WDR27: variants seen among roughly 807,000 people sequenced by gnomAD.
WDR27 encodes the protein WD repeat domain 27, also known as WD repeat-containing protein 27.
Under a neutral mutation model 114.4 loss-of-function variants are expected in WDR27, and 100 were observed. The observed-to-expected ratio is 0.87, with a 90% CI of 0.74 to 1.03. The LOEUF is 1.03. WDR27 is among the 50% of genes least tolerant of loss of function. The pLI is 0.00. For synonymous variants in WDR27, 449 were observed against 423.1 expected, an observed-to-expected ratio of 1.06 and a Z score of -0.75; for missense variants, 1,129 against 1,092.9, an observed-to-expected ratio of 1.03 and a Z score of -0.47.
At chr6:169,583,511 A>C (rs1319348951) in intron 23 of WDR27, among the ~76,000 whole-genome samples, 1 of 18,514 alleles carries the variant, frequency 5.4e-5, no homozygotes, top group Admixed American at 4.1e-4. Context: ...ATATGTATAT[A>C]TACACACACA....
intron 21 of WDR27, among the ~76,000 whole-genome samples, chr6:169,628,120 G>A (rs918768379): frequency 6.6e-5 from 10 of 152,048 alleles, no homozygotes; most frequent in African/African-American, 2.4e-4. Context: ...CATGAGAGTG[G>A]AGTCTGCATG....
chr6:169,600,690 G>A (rs1222520909), intron 23 of WDR27, among the ~76,000 whole-genome samples: 1 of 152,146 alleles, frequency 6.6e-6, no homozygotes, highest in East Asian at 1.9e-4. Flanking sequence ...TAGCTGATTC[G>A]ATCAACTGGA....
chr6:169,570,969 C>G (rs1199673427), intron 25 of WDR27, among the ~76,000 whole-genome samples: 4 of 152,240 alleles, frequency 2.6e-5, no homozygotes, highest in Non-Finnish European at 1.5e-5. Context: ...GGCCCACTCC[C>G]TGCCCGGTAT....
chr6:169,431,620 G>T, the WDR27 span, among the ~76,000 whole-genome samples: 1 of 152,046 alleles, frequency 6.6e-6, no homozygotes. Flanking sequence ...TGATGAGTAT[G>T]TACTTTATCT....
intron 25 of WDR27, among the ~76,000 whole-genome samples, chr6:169,564,281 G>A (rs910801374): frequency 1.3e-5 from 2 of 152,164 alleles, no homozygotes; most frequent in Non-Finnish European, 1.5e-5. Context: ...TCCTCTGCCT[G>A]CTTTTATCCT....
intron 25 of WDR27, among the ~76,000 whole-genome samples, chr6:169,544,026 T>C (rs1205878118): frequency 6.6e-6 from 1 of 152,218 alleles, no homozygotes; most frequent in African/African-American, 2.4e-5. Context: ...ATAACAATTG[T>C]TGCAGAAAAG....
intron 25 of WDR27, among the ~76,000 whole-genome samples, chr6:169,484,968 A>T (rs118163411): frequency 1.8e-4 from 27 of 152,350 alleles, no homozygotes; most frequent in Non-Finnish European, 3.8e-4. Context: ...GGCTAGCTAT[A>T]TGCAGAAGAT....
the WDR27 span, among the ~76,000 whole-genome samples, chr6:169,429,322 G>A: frequency 6.6e-6 from 1 of 152,022 alleles, no homozygotes; most frequent in African/African-American, 2.4e-5. Flanking sequence ...TGCTTCAGCC[G>A]CCCCCGTGCC....
At chr6:169,447,187 G>A in the WDR27 span, among the ~76,000 whole-genome samples, 1 of 152,210 alleles carries the variant, frequency 6.6e-6, no homozygotes, top group African/African-American at 2.4e-5. Context: ...ACACATGACT[G>A]GAAAACCAAA....
At chr6:169,695,561 A>G (rs1785687121) in intron 1 of WDR27, among the ~76,000 whole-genome samples, 1 of 152,156 alleles carries the variant, frequency 6.6e-6, no homozygotes, top group Non-Finnish European at 1.5e-5. Flanking sequence ...TCATTTCTAA[A>G]TGATTACAGA....
At chr6:169,569,026 T>G (rs1031426409) in intron 25 of WDR27, among the ~76,000 whole-genome samples, 3 of 152,050 alleles carry the variant, frequency 2.0e-5, no homozygotes, top group Non-Finnish European at 4.4e-5. Context: ...ACCCAAAAGC[T>G]TTGAAGCCCC....
intron 25 of WDR27, among the ~76,000 whole-genome samples, chr6:169,562,400 G>T (rs1428541663): frequency 6.6e-6 from 1 of 152,210 alleles, no homozygotes; most frequent in Non-Finnish European, 1.5e-5. Context: ...GATAACCCAT[G>T]AATCAATGAC....
At chr6:169,694,863 T>C (rs1002238059) in intron 1 of WDR27, among the ~76,000 whole-genome samples, 2 of 152,270 alleles carry the variant, frequency 1.3e-5, no homozygotes, top group African/African-American at 2.4e-5. Context: ...TCTCTTTCCA[T>C]TGATCCTTGA....
At chr6:169,612,111 C>T (rs752097008) in intron 22 of WDR27, among the ~76,000 whole-genome samples, 38 of 150,148 alleles carry the variant, frequency 2.5e-4, no homozygotes, top group Non-Finnish European at 4.7e-4. Context: ...ACTCCAGCCT[C>T]GGTGACAGAG....
intron 25 of WDR27, among the ~76,000 whole-genome samples, chr6:169,466,913 A>G (rs568585870): frequency 1.3e-5 from 2 of 152,320 alleles, no homozygotes; most frequent in South Asian, 4.1e-4. Flanking sequence ...AGTCCCTTTG[A>G]CCTATGAGAC....
intron 25 of WDR27, chr6:169,559,567 AC>A (rs1799382814): frequency 6.6e-6 from 1 of 152,212 alleles, no homozygotes; most frequent in African/African-American, 2.4e-5. Flanking sequence ...GAAATAAGAA[AC>A]TTTTTTGAAA....
chr6:169,544,907 T>C (rs1023408457), intron 25 of WDR27, among the ~76,000 whole-genome samples: 1 of 152,170 alleles, frequency 6.6e-6, no homozygotes, highest in Admixed American at 6.5e-5. Context: ...AGAAATCAAA[T>C]ATCAAAATAA....
At chr6:169,550,857 A>G (rs1459296679) in intron 25 of WDR27, among the ~76,000 whole-genome samples, 4 of 152,170 alleles carry the variant, frequency 2.6e-5, no homozygotes, top group African/African-American at 9.7e-5. Context: ...CTGAGACCAC[A>G]GGCATGCGCC....
In WDR27 at chr6:169,544,004, G is replaced by A. The variant is rs551745469; in HGVS notation, c.2645+28415C>T. Among the ~76,000 whole-genome samples, 4 of 152,168 alleles carry A rather than the reference G, an allele frequency of 2.6e-5. No individual in the cohort carries two copies. The East Asian group carries it at 7.7e-4, about 29-fold the overall frequency. On this transcript the variant is annotated intron_variant, in intron 25 of 25. Coordinates refer to ENST00000448612, the MANE Select transcript of WDR27 (RefSeq NM_182552.5). ...TTGACCACATCAACAAGCTAAAGAA[G>A]AAAAATTATATATAACAATTGTTGC...
Sources: gnomAD v4.1 joint callset for allele counts (sites outside exome capture counted in the v4.1 genomes callset) on GRCh38, gnomAD v4.1.1 for gene constraint, MANE v1.5 for transcripts, NCBI Gene and HGNC (gene_info 2026-07-23, HGNC 2026-07-21) for gene names.